NRXN3: variants seen among roughly 807,000 people sequenced by gnomAD.
NRXN3 encodes the protein neurexin 3.
Under a neutral mutation model 137.6 loss-of-function variants are expected in NRXN3, and 32 were observed. The observed-to-expected ratio is 0.23, with a 90% CI of 0.18 to 0.31. The LOEUF is 0.31. Among genes scored for constraint, NRXN3 ranks in the 10% least tolerant of loss-of-function variants. NRXN3 has a pLI of 1.00. For missense variants in NRXN3, 1,574 were observed against 2,062.5 expected, an observed-to-expected ratio of 0.76 and a Z score of 4.59; for synonymous variants, 798 against 784.5, an observed-to-expected ratio of 1.02 and a Z score of -0.29.
chr14:79,350,622 A>C (rs926595458), intron 15 of NRXN3, among the ~76,000 whole-genome samples: 1 of 152,108 alleles, frequency 6.6e-6, no homozygotes, highest in Non-Finnish European at 1.5e-5. Context: ...TTTTGTTTTC[A>C]TAGGTTTTTT....
intron 8 of NRXN3, among the ~76,000 whole-genome samples, chr14:78,778,131 A>T (rs990629246): frequency 9.8e-5 from 15 of 152,348 alleles, no homozygotes; most frequent in African/African-American, 3.6e-4. Context: ...TTACATTAAA[A>T]CTAAGCTCAG....
intron 16 of NRXN3, among the ~76,000 whole-genome samples, chr14:79,531,957 C>T (rs1023850748): frequency 6.6e-6 from 1 of 151,810 alleles, no homozygotes; most frequent in Non-Finnish European, 1.5e-5. Context: ...ATCCATGTGT[C>T]CCTCTATATC....
chr14:78,925,255 A>C (rs779262548), intron 10 of NRXN3, among the ~76,000 whole-genome samples: 1 of 152,200 alleles, frequency 6.6e-6, no homozygotes, highest in Non-Finnish European at 1.5e-5. Flanking sequence ...AAAAGCTACA[A>C]AATGAAGTAA....
chr14:79,407,342 T>C (rs144013350), intron 15 of NRXN3, among the ~76,000 whole-genome samples: 4 of 152,234 alleles, frequency 2.6e-5, no homozygotes, highest in Non-Finnish European at 5.9e-5. Flanking sequence ...TTCTTTCTAC[T>C]CCTCCCTTAT....
intron 15 of NRXN3, among the ~76,000 whole-genome samples, chr14:79,244,346 G>A (rs957978119): frequency 1.3e-5 from 2 of 152,170 alleles, no homozygotes; most frequent in African/African-American, 4.8e-5. Flanking sequence ...CTTTTCAGAA[G>A]ATGAGCATTT....
intron 6 of NRXN3, among the ~76,000 whole-genome samples, chr14:78,662,826 T>C (rs1192403020): frequency 6.6e-6 from 1 of 152,214 alleles, no homozygotes; most frequent in African/African-American, 2.4e-5. Context: ...CCAGCCACTA[T>C]CATCACCTAT....
intron 4 of NRXN3, among the ~76,000 whole-genome samples, chr14:78,477,457 A>G (rs1164151008): frequency 2.6e-5 from 4 of 152,244 alleles, no homozygotes. Flanking sequence ...TCTCCAATAT[A>G]AATTTAGCAA....
At chr14:79,682,774 A>G (rs1351887577) in intron 17 of NRXN3, among the ~76,000 whole-genome samples, 1 of 152,216 alleles carries the variant, frequency 6.6e-6, no homozygotes, top group East Asian at 1.9e-4. Flanking sequence ...CCTTCTCTCA[A>G]ATTATAAGCT....
At chr14:78,927,468 G>A (rs1208754767) in intron 10 of NRXN3, among the ~76,000 whole-genome samples, 1 of 152,152 alleles carries the variant, frequency 6.6e-6, no homozygotes, top group East Asian at 1.9e-4. Context: ...GAGCACCAGG[G>A]ATGACAGGGA....
At chr14:79,721,854 C>A (rs573200852) in intron 19 of NRXN3, among the ~76,000 whole-genome samples, 3 of 152,174 alleles carry the variant, frequency 2.0e-5, no homozygotes, top group African/African-American at 7.2e-5. Context: ...AGCATGAAGT[C>A]TCTAATAGTT....
At chr14:78,546,719 C>A (rs552078011) in intron 4 of NRXN3, among the ~76,000 whole-genome samples, 1 of 152,256 alleles carries the variant, frequency 6.6e-6, no homozygotes, top group African/African-American at 2.4e-5. Flanking sequence ...ATGATAATAA[C>A]AATAGCTAAC....
intron 15 of NRXN3, among the ~76,000 whole-genome samples, chr14:79,236,248 C>A (rs983110881): frequency 6.6e-6 from 1 of 151,950 alleles, no homozygotes; most frequent in Non-Finnish European, 1.5e-5. Flanking sequence ...CAAACTTATA[C>A]AAGAAAGTAC....
At chr14:78,758,673 G>A (rs1353472884) in intron 8 of NRXN3, among the ~76,000 whole-genome samples, 1 of 152,158 alleles carries the variant, frequency 6.6e-6, no homozygotes, top group African/African-American at 2.4e-5. Flanking sequence ...GCCTCAAATG[G>A]CCTTACAACA....
intron 15 of NRXN3, among the ~76,000 whole-genome samples, chr14:79,320,302 G>A (rs1004694501): frequency 1.3e-5 from 2 of 152,192 alleles, no homozygotes; most frequent in African/African-American, 4.8e-5. Context: ...AATGCTATCA[G>A]TAGACTAAAT....
intron 15 of NRXN3, among the ~76,000 whole-genome samples, chr14:79,214,982 GAC>G (rs2068257460): frequency 6.6e-6 from 1 of 152,178 alleles, no homozygotes; most frequent in Admixed American, 6.5e-5. Flanking sequence ...AAGTTCTAGG[GAC>G]ACACTGTGAG....
chr14:79,855,844 T>C (rs2141843022), intron 20 of NRXN3, among the ~76,000 whole-genome samples: 1 of 152,234 alleles, frequency 6.6e-6, no homozygotes, highest in Admixed American at 6.5e-5. Context: ...GCATTGATGG[T>C]TTGAGGTAGG....
chr14:78,803,555 C>G (rs2098845905), intron 8 of NRXN3, 65 bp from the exon 9 acceptor site: 2 of 1,483,442 alleles, frequency 1.3e-6, no homozygotes, highest in South Asian at 2.3e-5. Flanking sequence ...AGCCTGAAAG[C>G]AAAGGGGTAT....
intron 4 of NRXN3, among the ~76,000 whole-genome samples, chr14:78,591,416 A>G (rs2097115007): frequency 6.6e-6 from 1 of 152,032 alleles, no homozygotes; most frequent in Non-Finnish European, 1.5e-5. Context: ...CCACATTTTG[A>G]GTAGCGTGGT....
chr14:78,958,613 C>T (rs1441307202), intron 11 of NRXN3, among the ~76,000 whole-genome samples: 1 of 152,158 alleles, frequency 6.6e-6, no homozygotes, highest in Non-Finnish European at 1.5e-5. Context: ...CCTCGGCCTC[C>T]CAAAGTGCTG....
Sources: allele counts gnomAD v4.1 joint callset (sites outside exome capture counted in the v4.1 genomes callset), GRCh38; gene constraint gnomAD v4.1.1; transcripts MANE v1.5; gene names NCBI Gene and HGNC (gene_info 2026-07-23, HGNC 2026-07-21).